Variants in THSD7B observed in about 807,000 individuals in gnomAD.
THSD7B encodes the protein thrombospondin type-1 domain-containing protein 7B.
A neutral mutation model predicts 213.6 loss-of-function variants in THSD7B; 138 were observed. That is an observed-to-expected ratio of 0.65 (90% CI 0.56 to 0.74). The LOEUF is 0.74. THSD7B is among the 30% of genes least tolerant of loss of function. The pLI is 0.00. For missense variants in THSD7B, 1,931 were observed against 1,991.5 expected, an observed-to-expected ratio of 0.97 and a Z score of 0.58; for synonymous variants, 742 against 687.0, an observed-to-expected ratio of 1.08 and a Z score of -1.25.
chr2:137,040,537 G>T (rs1043271710), intron 2 of THSD7B, among the ~76,000 whole-genome samples: 2 of 151,860 alleles, frequency 1.3e-5, no homozygotes, highest in Non-Finnish European at 2.9e-5. Flanking sequence ...GGGATTACAG[G>T]TGCACACCAC....
rs911441242 is a variant in THSD7B, at chr2:137,155,552, A to G, written c.1370-4661A>G. Among the ~76,000 whole-genome samples the G allele has an allele frequency of 3.2e-4, 49 of 152,210 alleles. 1 individual carries two copies. Among genetic ancestry groups the G allele is most frequent in the Non-Finnish European group, 5.9e-5 (4 of 68,034 alleles). On this transcript the variant is annotated intron_variant, in intron 5 of 27. Transcript: ENST00000409968. ...AGACTCAGTAGACAGTAAATTCCATAGATCACCCAACTTTAGGTGACCCAG... is the reference window on the plus strand; with the variant it reads ...AGACTCAGTAGACAGTAAATTCCATGGATCACCCAACTTTAGGTGACCCAG...
chr2:137,463,575 C>T (rs1042854553), intron 15 of THSD7B, among the ~76,000 whole-genome samples: 4 of 151,962 alleles, frequency 2.6e-5, no homozygotes, highest in Non-Finnish European at 5.9e-5. Flanking sequence ...CCAGGATGGC[C>T]AAATAATAGC....
intron 7 of THSD7B, among the ~76,000 whole-genome samples, chr2:137,208,942 G>A (rs1010451401): frequency 1.1e-4 from 17 of 152,032 alleles, no homozygotes; most frequent in Admixed American, 3.9e-4. Flanking sequence ...GCTGGTTATT[G>A]TATAACTATG....
intron 7 of THSD7B, among the ~76,000 whole-genome samples, chr2:137,219,189 G>T (rs936001182): frequency 2.6e-5 from 4 of 152,042 alleles, no homozygotes; most frequent in Non-Finnish European, 4.4e-5. Flanking sequence ...CTGCAAAATT[G>T]AATAGGAACA....
chr2:136,781,016 G>C (rs1026071854), intron 1 of THSD7B, among the ~76,000 whole-genome samples: 1 of 151,310 alleles, frequency 6.6e-6, no homozygotes, highest in Non-Finnish European at 1.5e-5. Context: ...AATGCTTCAT[G>C]CAATGTGTGA....
rs368427796 is a variant in THSD7B, at chr2:137,262,132, G to A, written c.2267-10401G>A. 3.3e-5 allele frequency among the ~76,000 whole-genome samples: 5 copies of A among 152,020 alleles called. No individual in the cohort carries two copies. The South Asian group carries it at 6.2e-4, about 19-fold the overall frequency. ...CTCTCAAGCTGTCAGCACAATGGTCGGCCTGAATAGCATTCTTAAGGACAT... is the reference window on the plus strand; with the variant it reads ...CTCTCAAGCTGTCAGCACAATGGTCAGCCTGAATAGCATTCTTAAGGACAT... On this transcript the variant is annotated intron_variant, in intron 10 of 27. Coordinates refer to ENST00000409968, the MANE Select transcript of THSD7B (RefSeq NM_001316349.2).
chr2:137,439,349 T>C (rs955585021), intron 14 of THSD7B, among the ~76,000 whole-genome samples: 1 of 152,104 alleles, frequency 6.6e-6, no homozygotes, highest in African/African-American at 2.4e-5. Context: ...ACCCACAGTC[T>C]CTTGAGACTT....
intron 2 of THSD7B, among the ~76,000 whole-genome samples, chr2:136,950,534 C>G (rs1685018953): frequency 6.6e-6 from 1 of 152,252 alleles, no homozygotes; most frequent in South Asian, 2.1e-4. Flanking sequence ...TTTTTTACTG[C>G]CTGTCCTTGT....
intron 5 of THSD7B, among the ~76,000 whole-genome samples, chr2:137,124,112 G>T (rs78670217): frequency 0.031 from 4,729 of 152,228 alleles, 115 homozygotes; most frequent in Admixed American, 0.058. Context: ...TTCTTTTTCT[G>T]AGAGTAGAAG....
chr2:137,078,645 C>A (rs951643331), intron 3 of THSD7B, among the ~76,000 whole-genome samples: 2 of 151,760 alleles, frequency 1.3e-5, no homozygotes, highest in Non-Finnish European at 2.9e-5. Flanking sequence ...TTCATGCTTT[C>A]TTTATGTATG....
At chr2:137,131,915 A>G (rs1688739802) in intron 5 of THSD7B, among the ~76,000 whole-genome samples, 1 of 151,926 alleles carries the variant, frequency 6.6e-6, no homozygotes, top group African/African-American at 2.4e-5. Context: ...AATTCTGTGA[A>G]GAAAGTCATT....
At chr2:137,406,090 T>C (rs1326901762) in intron 13 of THSD7B, among the ~76,000 whole-genome samples, 1 of 152,222 alleles carries the variant, frequency 6.6e-6, no homozygotes, top group Non-Finnish European at 1.5e-5. Context: ...ATTCACCAAC[T>C]TCTTTTGAGT....
intron 12 of THSD7B, among the ~76,000 whole-genome samples, chr2:137,390,628 T>C (rs10197650): frequency 0.33 from 49,658 of 151,956 alleles, 9,157 homozygotes; most frequent in African/African-American, 0.5. Flanking sequence ...AGAGGAAATG[T>C]TTTTAACTTT....
At chr2:136,850,566 A>AT (rs1490490831) in intron 1 of THSD7B, among the ~76,000 whole-genome samples, 1 of 151,888 alleles carries the variant, frequency 6.6e-6, no homozygotes, top group Non-Finnish European at 1.5e-5. Flanking sequence ...AATGGCAGGC[A>AT]TTTTAAACTT....
In THSD7B at chr2:137,589,854, G is replaced by A. The variant is rs572125315; in HGVS notation, c.3423+17298G>A. On this transcript the variant is annotated intron_variant, in intron 17 of 27. Transcript: ENST00000409968. ...TTGCATTCCTGATTCACGCAGCAAT[G>A]CCAAGTGCTTCACAATTATTATGAC... Among the ~76,000 whole-genome samples, 3 of 152,226 alleles carry A rather than the reference G, an allele frequency of 2.0e-5. No individual in the cohort carries two copies. The East Asian group carries it at 5.8e-4, about 29-fold the overall frequency.
intron 17 of THSD7B, among the ~76,000 whole-genome samples, chr2:137,607,616 CT>C (rs1256590170): frequency 6.6e-6 from 1 of 152,050 alleles, no homozygotes; most frequent in Non-Finnish European, 1.5e-5. Context: ...AGGATCATAT[CT>C]CTTTCATCTC....
chr2:137,343,689 A>G (rs1221936062), intron 12 of THSD7B, among the ~76,000 whole-genome samples: 2 of 151,812 alleles, frequency 1.3e-5, no homozygotes, highest in Non-Finnish European at 2.9e-5. Flanking sequence ...AAAGGAGTGC[A>G]ATTACTTTCA....
rs370530486 is a variant in THSD7B at position 137,115,099 on chromosome 2, C to T, written c.1200-25C>T. On this transcript the variant is annotated intron_variant, in intron 4 of 27. Transcript: ENST00000409968. ...TATATTTTTCTTACTTCTTCTTCTT[C>T]TTTTAAATAAACCAAACCAAACAGG... is the stretch of plus-strand genomic sequence containing the variant. The T allele has an allele frequency of 1.2e-5, 19 of 1,613,544 alleles. No homozygotes were observed. The African/African-American group carries it at 2.4e-4, about 20-fold the overall frequency.
intron 1 of THSD7B, among the ~76,000 whole-genome samples, chr2:136,811,347 A>G (rs1388040848): frequency 6.6e-6 from 1 of 152,132 alleles, no homozygotes; most frequent in Non-Finnish European, 1.5e-5. Flanking sequence ...TTCACAGCAC[A>G]TGGGAGGTAA....
Sources: allele counts gnomAD v4.1 joint callset (sites outside exome capture counted in the v4.1 genomes callset), GRCh38; gene constraint gnomAD v4.1.1; transcripts MANE v1.5; gene names NCBI Gene and HGNC (gene_info 2026-07-23, HGNC 2026-07-21).